KRABD3: variants seen among roughly 807,000 people sequenced by gnomAD.
KRABD3 encodes the protein KRAB domain containing 3.
the KRABD3 span, chr7:149,722,411 T>A: frequency 6.2e-7 from 1 of 1,600,206 alleles, no homozygotes; most frequent in African/African-American, 1.3e-5. Context: ...TCTTGTCTTC[T>A]CCTGCAACAG....
chr7:149,734,360 C>G, the KRABD3 span: 1 of 336,858 alleles, frequency 3.0e-6, no homozygotes, highest in Non-Finnish European at 5.4e-6. Flanking sequence ...CCACGTGTGC[C>G]CCACATATGC....
At chr7:149,725,106 C>T in the KRABD3 span, among the ~76,000 whole-genome samples, 1 of 152,222 alleles carries the variant, frequency 6.6e-6, no homozygotes, top group African/African-American at 2.4e-5. Flanking sequence ...TCCTCACTCC[C>T]CTCCTGTCTT....
the KRABD3 span, chr7:149,726,138 C>T: frequency 7.5e-7 from 1 of 1,326,260 alleles, no homozygotes; most frequent in Non-Finnish European, 1.0e-6. Flanking sequence ...TCTGGCTTGA[C>T]TGGGTCAGAC....
the KRABD3 span, among the ~76,000 whole-genome samples, chr7:149,718,492 A>C: frequency 6.9e-6 from 1 of 145,072 alleles, no homozygotes. Context: ...TCTGATGGCC[A>C]CTTTAAAGTC....
chr7:149,715,049 C>T, the KRABD3 span: 4 of 1,229,648 alleles, frequency 3.3e-6, no homozygotes, highest in Non-Finnish European at 4.1e-6. Context: ...GAGGCTGAGC[C>T]CGGGGATGGC....
the KRABD3 span, chr7:149,729,183 A>C: frequency 6.7e-7 from 1 of 1,494,180 alleles, no homozygotes; most frequent in South Asian, 1.4e-5. Context: ...TTCTCATTAA[A>C]ACAGGACTGA....
the KRABD3 span, chr7:149,722,259 G>A: frequency 9.5e-6 from 4 of 420,754 alleles, no homozygotes; most frequent in South Asian, 1.0e-4. Context: ...CAGTCTTGCT[G>A]TTTCCAGTTA....
the KRABD3 span, chr7:149,723,640 GC>G: frequency 2.4e-6 from 3 of 1,263,472 alleles, no homozygotes; most frequent in Non-Finnish European, 2.2e-6. Context: ...TTCAGAGTTG[GC>G]CCCACGCCCT....
the KRABD3 span, among the ~76,000 whole-genome samples, chr7:149,720,557 C>T: frequency 2.6e-5 from 4 of 152,218 alleles, no homozygotes; most frequent in Non-Finnish European, 4.4e-5. Context: ...AGCGGCAGCC[C>T]GCCTGGGCAT....
At chr7:149,733,554 C>G in the KRABD3 span, 18 of 1,600,200 alleles carry the variant, frequency 1.1e-5, no homozygotes, top group Non-Finnish European at 1.5e-5. Context: ...GCTCATGGCC[C>G]TGGTCACAGA....
the KRABD3 span, chr7:149,730,489 C>G: frequency 6.2e-7 from 1 of 1,610,154 alleles, no homozygotes; most frequent in Non-Finnish European, 8.5e-7. Context: ...CTGGTGGGAC[C>G]CCTGCTGGCA....
At chr7:149,724,786 A>G in the KRABD3 span, 1 of 1,591,814 alleles carries the variant, frequency 6.3e-7, no homozygotes, top group Admixed American at 1.7e-5. Context: ...GCAGCCCCTC[A>G]GTCCCTCAGC....
chr7:149,733,431 A>G, the KRABD3 span: 1 of 1,594,088 alleles, frequency 6.3e-7, no homozygotes, highest in Non-Finnish European at 8.5e-7. Flanking sequence ...GGCCTGGCTC[A>G]GGAAGTGGCC....
At chr7:149,725,112 G>A in the KRABD3 span, among the ~76,000 whole-genome samples, 33,331 of 152,096 alleles carry the variant, frequency 0.22, 5,390 homozygotes, top group African/African-American at 0.46. Context: ...CTCCCCTCCT[G>A]TCTTCATGCC....
chr7:149,716,120 C>T, the KRABD3 span, among the ~76,000 whole-genome samples: 4 of 152,192 alleles, frequency 2.6e-5, no homozygotes, highest in Non-Finnish European at 5.9e-5. Flanking sequence ...TGAGCACAGC[C>T]TCCAGGTTGA....
the KRABD3 span, chr7:149,733,427 G>T: frequency 6.3e-7 from 1 of 1,595,532 alleles, no homozygotes; most frequent in East Asian, 2.3e-5. Flanking sequence ...GGCAGGCCTG[G>T]CTCAGGAAGT....
chr7:149,724,178 C>T, the KRABD3 span, among the ~76,000 whole-genome samples: 6 of 152,164 alleles, frequency 3.9e-5, no homozygotes, highest in Non-Finnish European at 7.3e-5. Flanking sequence ...AGCTCTAGCC[C>T]AGCACACACG....
the KRABD3 span, chr7:149,729,766 G>T: frequency 4.1e-6 from 4 of 985,262 alleles, no homozygotes; most frequent in South Asian, 9.4e-5. Context: ...ACGAGGATGG[G>T]CCCTAACTGA....
At chr7:149,728,504 G>A in the KRABD3 span, 2 of 1,611,750 alleles carry the variant, frequency 1.2e-6, no homozygotes, top group South Asian at 2.2e-5. Context: ...CCTCATCTGT[G>A]AATGTTTGAT....
Sources: gnomAD v4.1 joint callset for allele counts (sites outside exome capture counted in the v4.1 genomes callset) on GRCh38, gnomAD v4.1.1 for gene constraint, MANE v1.5 for transcripts, NCBI Gene and HGNC (gene_info 2026-07-23, HGNC 2026-07-21) for gene names.